COG5: variants seen among roughly 807,000 people sequenced by gnomAD.
COG5 encodes the protein conserved oligomeric Golgi complex subunit 5.
In COG5, 86 loss-of-function variants were observed where a neutral mutation model predicts 110.4. That is an observed-to-expected ratio of 0.78 (90% CI 0.65 to 0.93). COG5 has a LOEUF of 0.93. Ranked by LOEUF, COG5 falls within the 40% of genes least tolerant of loss-of-function variation. The pLI is 0.00. For missense variants in COG5, 1,077 were observed against 987.0 expected, an observed-to-expected ratio of 1.09 and a Z score of -1.22; for synonymous variants, 360 against 334.6, an observed-to-expected ratio of 1.08 and a Z score of -0.83.
At chr7:107,242,237 C>A (rs558647918) in intron 17 of COG5, among the ~76,000 whole-genome samples, 1 of 152,310 alleles carries the variant, frequency 6.6e-6, no homozygotes, top group South Asian at 2.1e-4. Flanking sequence ...AACAACCTGA[C>A]CGACAGAGAA....
At chr7:107,483,477 G>T (rs938228643) in intron 6 of COG5, among the ~76,000 whole-genome samples, 2 of 152,116 alleles carry the variant, frequency 1.3e-5, no homozygotes, top group South Asian at 4.1e-4. Flanking sequence ...AGGCTGAGGT[G>T]GGTGGATCAC....
intron 7 of COG5, among the ~76,000 whole-genome samples, chr7:107,389,224 C>A (rs1790443516): frequency 6.6e-6 from 1 of 152,042 alleles, no homozygotes; most frequent in African/African-American, 2.4e-5. Context: ...AGTGGGGTCC[C>A]TCAATAATGG....
At chr7:107,259,775 G>A (rs1053467101) in intron 14 of COG5, among the ~76,000 whole-genome samples, 5 of 152,038 alleles carry the variant, frequency 3.3e-5, no homozygotes, top group African/African-American at 1.2e-4. Context: ...AATTTGTTTT[G>A]TGTGTTCAGT....
intron 6 of COG5, among the ~76,000 whole-genome samples, chr7:107,460,833 T>A (rs1483344393): frequency 6.6e-6 from 1 of 152,116 alleles, no homozygotes; most frequent in Non-Finnish European, 1.5e-5. Flanking sequence ...AAAAACAAGT[T>A]GATGTTAATA....
chr7:107,297,593 C>T (rs1412517614), intron 12 of COG5, among the ~76,000 whole-genome samples: 7 of 151,900 alleles, frequency 4.6e-5, no homozygotes, highest in East Asian at 3.9e-4. Flanking sequence ...GGATTACAGG[C>T]GAGCGCCACC....
At chr7:107,535,827 T>C (rs1801546246) in intron 5 of COG5, among the ~76,000 whole-genome samples, 1 of 152,206 alleles carries the variant, frequency 6.6e-6, no homozygotes, top group East Asian at 1.9e-4. Context: ...AGCATCACTC[T>C]GATACCAAAA....
intron 21 of COG5, chr7:107,207,932 C>T: frequency 1.0e-6 from 1 of 985,380 alleles, no homozygotes; most frequent in Non-Finnish European, 1.2e-6. Context: ...ACATATTATG[C>T]TGGGAGGAAC....
chr7:107,541,523 A>AAAAAAAAATATATATAT (rs60423657), intron 5 of COG5, among the ~76,000 whole-genome samples: 4 of 57,030 alleles, frequency 7.0e-5, no homozygotes, highest in African/African-American at 2.7e-4. Flanking sequence ...AAAAAAAAAA[A>AAAAAAAAATATATATAT]ATATATATAT....
intron 6 of COG5, among the ~76,000 whole-genome samples, chr7:107,512,465 T>C (rs1448823229): frequency 1.3e-5 from 2 of 152,064 alleles, no homozygotes; most frequent in East Asian, 3.9e-4. Context: ...AAAATGGCCA[T>C]ACTGCCCAAG....
At chr7:107,434,776 C>T (rs750968035) in intron 6 of COG5, among the ~76,000 whole-genome samples, 5 of 152,026 alleles carry the variant, frequency 3.3e-5, no homozygotes, top group Non-Finnish European at 7.4e-5. Context: ...CAAGACCATC[C>T]TGGCTAACAC....
intron 11 of COG5, 79 bp from the exon 12 acceptor site, chr7:107,298,425 C>T (rs909719147): frequency 8.6e-7 from 1 of 1,168,008 alleles, no homozygotes; most frequent in Non-Finnish European, 1.2e-6. Context: ...AAGATATGTT[C>T]CAAATAACCC....
intron 21 of COG5, among the ~76,000 whole-genome samples, chr7:107,206,021 C>T (rs1018256081): frequency 6.6e-6 from 1 of 151,522 alleles, no homozygotes; most frequent in African/African-American, 2.4e-5. Flanking sequence ...AGTGCAGTGC[C>T]GCAATCTTGG....
At chr7:107,554,407 T>A in intron 2 of COG5, 65 bp from the exon 3 acceptor site, 1 of 1,339,092 alleles carries the variant, frequency 7.5e-7, no homozygotes, top group Non-Finnish European at 1.1e-6. Context: ...AACCACAATG[T>A]AGAATGGACA....
chr7:107,378,248 A>G (rs1814801117), intron 7 of COG5, among the ~76,000 whole-genome samples: 1 of 152,168 alleles, frequency 6.6e-6, no homozygotes, highest in African/African-American at 2.4e-5. Flanking sequence ...GGAAGTCCAA[A>G]GAGAAACCCC....
intron 16 of COG5, among the ~76,000 whole-genome samples, chr7:107,254,569 T>C (rs1186592648): frequency 6.6e-6 from 1 of 152,132 alleles, no homozygotes; most frequent in African/African-American, 2.4e-5. Context: ...GCAAAATTGG[T>C]ATGCCTTAGC....
At chr7:107,361,044 A>G (rs1388700682) in intron 10 of COG5, among the ~76,000 whole-genome samples, 1 of 152,186 alleles carries the variant, frequency 6.6e-6, no homozygotes, top group African/African-American at 2.4e-5. Context: ...GAGGCTTTCC[A>G]CACAGTATAC....
At chr7:107,457,017 T>C (rs1795705064) in intron 6 of COG5, among the ~76,000 whole-genome samples, 1 of 152,188 alleles carries the variant, frequency 6.6e-6, no homozygotes, top group Non-Finnish European at 1.5e-5. Context: ...CATTCACTAA[T>C]GGATAACAAA....
At chr7:107,518,921 C>G (rs1442914675) in intron 6 of COG5, among the ~76,000 whole-genome samples, 1 of 152,170 alleles carries the variant, frequency 6.6e-6, no homozygotes, top group Non-Finnish European at 1.5e-5. Context: ...AAACACTTGT[C>G]AGCAAATGCA....
At chr7:107,253,481 A>C (rs1802666038) in intron 16 of COG5, among the ~76,000 whole-genome samples, 1 of 152,182 alleles carries the variant, frequency 6.6e-6, no homozygotes, top group African/African-American at 2.4e-5. Flanking sequence ...TGCCATATAT[A>C]AATTTGGCAA....
Sources: allele counts gnomAD v4.1 joint callset (sites outside exome capture counted in the v4.1 genomes callset), GRCh38; gene constraint gnomAD v4.1.1; transcripts MANE v1.5; gene names NCBI Gene and HGNC (gene_info 2026-07-23, HGNC 2026-07-21).